Variants in OSBPL8 observed in about 807,000 individuals in gnomAD.
The protein encoded by OSBPL8 is oxysterol-binding protein-related protein 8.
In OSBPL8, 59 loss-of-function variants were observed where a neutral mutation model predicts 125.5. That is an observed-to-expected ratio of 0.47 (90% CI 0.38 to 0.58). The LOEUF (loss-of-function observed/expected upper bound fraction) is 0.58. Ranked by LOEUF, OSBPL8 falls within the 20% of genes least tolerant of loss-of-function variation. The probability of loss-of-function intolerance (pLI) is 0.00; values close to 1 mark genes in which losing one functional copy is unlikely to be tolerated. For missense variants in OSBPL8, 758 were observed against 1,047.8 expected (o/e 0.72, Z 3.82); for synonymous variants, 330 against 338.9 (o/e 0.97, Z 0.29).
Position 76,448,409 on chromosome 12 carries a change from C to T in OSBPL8, c.217+2442G>A, listed in dbSNP as rs144456424. 2.6e-5 allele frequency among the ~76,000 whole-genome samples: 4 copies of T among 152,084 alleles called. No individual in the cohort carries two copies. In the East Asian group the frequency reaches 7.8e-4, roughly 29 times the overall value. On this transcript the variant is annotated intron_variant, in intron 4 of 23. Transcript: ENST00000261183. Reference sequence around the variant, plus strand: ...TATTCTAGTGCACAGATACATGCATCAGAGAAACCATATCTATTATAGCCA... The same window carrying T: ...TATTCTAGTGCACAGATACATGCATTAGAGAAACCATATCTATTATAGCCA...
chr12:76,529,514 G>T, intron 1 of OSBPL8, among the ~76,000 whole-genome samples: 1 of 145,854 alleles, frequency 6.9e-6, no homozygotes, highest in African/African-American at 2.6e-5. Flanking sequence ...TTACCTACCT[G>T]CTACTACCAA....
At chr12:76,382,375 T>C (rs1448658570) in intron 15 of OSBPL8, among the ~76,000 whole-genome samples, 2 of 152,282 alleles carry the variant, frequency 1.3e-5, no homozygotes, top group East Asian at 1.9e-4. Flanking sequence ...TTTGCTCTAG[T>C]GTAGGGCTTC....
chr12:76,376,365 A>C (rs527402316), intron 16 of OSBPL8, among the ~76,000 whole-genome samples: 26 of 152,344 alleles, frequency 1.7e-4, no homozygotes, highest in African/African-American at 6.0e-4. Context: ...CAGACTATGC[A>C]ATGTTTCTCA....
chr12:76,455,175 G>A (rs951543455), intron 3 of OSBPL8, among the ~76,000 whole-genome samples: 38 of 151,836 alleles, frequency 2.5e-4, no homozygotes, highest in Admixed American at 9.8e-4. Flanking sequence ...CCCGGGAGGC[G>A]GAGCTTGCAG....
At chr12:76,515,516 C>T (rs1881444650) in intron 1 of OSBPL8, among the ~76,000 whole-genome samples, 1 of 152,176 alleles carries the variant, frequency 6.6e-6, no homozygotes, top group Non-Finnish European at 1.5e-5. Flanking sequence ...GGATGGGTGG[C>T]TCCGCAATTT....
At chr12:76,357,449 ACTTATGGGGTATGTGAC>A (rs763381138) in intron 22 of OSBPL8, among the ~76,000 whole-genome samples, 21 of 152,152 alleles carry the variant, frequency 1.4e-4, no homozygotes, top group Non-Finnish European at 2.5e-4. Flanking sequence ...ACATATACCT[ACTTATGGGGTATGTGAC>A]CTTAGGCAGG....
chr12:76,469,150 T>C (rs1335793857), intron 2 of OSBPL8, among the ~76,000 whole-genome samples: 2 of 152,172 alleles, frequency 1.3e-5, no homozygotes, highest in Non-Finnish European at 2.9e-5. Flanking sequence ...GAATCTCTTA[T>C]TTCCATTCAA....
chr12:76,373,555 C>G (rs142027737), intron 17 of OSBPL8, 122 bp from the exon 18 acceptor site: 1 of 508,164 alleles, frequency 2.0e-6, no homozygotes, highest in Non-Finnish European at 3.3e-6. Context: ...AATGCACAAG[C>G]AGTAAAAAAA....
chr12:76,391,432 A>G (rs987498621), intron 10 of OSBPL8, among the ~76,000 whole-genome samples: 57 of 152,054 alleles, frequency 3.7e-4, no homozygotes, highest in African/African-American at 1.3e-3. Flanking sequence ...ATCCTATCTC[A>G]TTCGGGCACC....
chr12:76,405,783 C>T (rs542075102), intron 5 of OSBPL8, among the ~76,000 whole-genome samples: 5 of 152,064 alleles, frequency 3.3e-5, no homozygotes, highest in Non-Finnish European at 7.4e-5. Flanking sequence ...ACTAAGTTTC[C>T]CTGCCTTCAT....
At chr12:76,474,133 A>G (rs1260201541) in intron 2 of OSBPL8, among the ~76,000 whole-genome samples, 4 of 152,224 alleles carry the variant, frequency 2.6e-5, no homozygotes, top group African/African-American at 9.7e-5. Context: ...GTGCTTAATG[A>G]AGGTAGGTTA....
At chr12:76,356,162 T>TGGGGGGGTGGTTTGAGGGG in intron 23 of OSBPL8, 141 bp from the exon 24 acceptor site, 1 of 131,274 alleles carries the variant, frequency 7.6e-6, no homozygotes. Context: ...TATGTAGGGG[T>TGGGGGGGTGGTTTGAGGGG]GGGGGGGGGC....
chr12:76,538,390 T>C (rs1003058310), intron 1 of OSBPL8, among the ~76,000 whole-genome samples: 1 of 152,224 alleles, frequency 6.6e-6, no homozygotes, highest in African/African-American at 2.4e-5. Context: ...CAATTCTTAA[T>C]AATAAGATTA....
chr12:76,394,188 G>GA (rs1565858904), intron 9 of OSBPL8, among the ~76,000 whole-genome samples: 2 of 152,012 alleles, frequency 1.3e-5, no homozygotes, highest in Non-Finnish European at 2.9e-5. Context: ...TATCATTTAA[G>GA]TTTTTCTCTC....
rs1951850530 is a variant in OSBPL8, at chr12:76,352,241, T to C, written c.*3648A>G. The C allele has an allele frequency of 6.6e-6, 1 of 152,500 alleles. No individual in the cohort carries two copies. Among genetic ancestry groups the C allele is most frequent in the Non-Finnish European group, 1.5e-5 (1 of 68,024 alleles). The allele number at this position is 152,500 out of a possible 1,614,324, so 9.4% of individuals were successfully genotyped here. On this transcript the variant is annotated 3_prime_UTR_variant, in exon 24 of 24. Transcript: ENST00000261183. Reference sequence around the variant, plus strand: ...CTGTAAAACAGTTTTACATAATAAATGCAAAAAGATAACATTTTCTAAATT... The same window carrying C: ...CTGTAAAACAGTTTTACATAATAAACGCAAAAAGATAACATTTTCTAAATT...
At chr12:76,395,477 T>C (rs1308405211) in intron 8 of OSBPL8, among the ~76,000 whole-genome samples, 2 of 152,086 alleles carry the variant, frequency 1.3e-5, no homozygotes, top group Non-Finnish European at 2.9e-5. Context: ...CCAAAAAGCA[T>C]AACATTAGAA....
At chr12:76,524,137 T>C (rs1950099465) in intron 1 of OSBPL8, among the ~76,000 whole-genome samples, 1 of 152,176 alleles carries the variant, frequency 6.6e-6, no homozygotes, top group Non-Finnish European at 1.5e-5. Flanking sequence ...TCCTTTAATG[T>C]TGTTAACAGA....
chr12:76,368,758 T>C (rs746479552), intron 21 of OSBPL8, among the ~76,000 whole-genome samples: 4 of 152,164 alleles, frequency 2.6e-5, no homozygotes, highest in African/African-American at 4.8e-5. Context: ...TTTGTCTTTA[T>C]TGATTTTCTC....
intron 4 of OSBPL8, among the ~76,000 whole-genome samples, chr12:76,411,623 T>C (rs1954517072): frequency 6.6e-6 from 1 of 152,036 alleles, no homozygotes; most frequent in Non-Finnish European, 1.5e-5. Context: ...GATATTTTAC[T>C]GAAAATTTTA....
Sources: allele counts gnomAD v4.1 joint callset (sites outside exome capture counted in the v4.1 genomes callset), GRCh38; gene constraint gnomAD v4.1.1; transcripts MANE v1.5; gene names NCBI Gene and HGNC (gene_info 2026-07-23, HGNC 2026-07-21).